The following MRPS27 variants were observed in gnomAD, a reference collection of about 807,000 sequenced individuals.
MRPS27 encodes the protein mitochondrial ribosomal protein S27, also known as small ribosomal subunit protein mS27.
Under a neutral mutation model 48.9 loss-of-function variants are expected in MRPS27, and 43 were observed. The observed-to-expected ratio is 0.88, with a 90% CI of 0.69 to 1.13. MRPS27 has a LOEUF of 1.13. Ranked by LOEUF, MRPS27 falls within the 50% of genes most tolerant of loss-of-function variation. The pLI, the probability that MRPS27 is intolerant of heterozygous loss-of-function variation, is 0.00. For synonymous variants in MRPS27, 188 were observed against 171.9 expected, an observed-to-expected ratio of 1.09 and a Z score of -0.73; for missense variants, 467 against 476.3, an observed-to-expected ratio of 0.98 and a Z score of 0.18.
At chr5:72,314,378 C>G in intron 1 of MRPS27, 1 of 376,422 alleles carries the variant, frequency 2.7e-6, no homozygotes, top group Admixed American at 3.8e-5. Context: ...AGGATTTTCA[C>G]AATAATTTTT....
rs1473107744 is a variant in MRPS27, at chr5:72,232,493, G to A, written c.541C>T (p.Leu181Phe). ...EAFEVPSTQL[L>F]SLYVLFHCLA... ...CAATGAAATAAAACATAGAGGGAGA[G>A]AAGTTGGGTGGAAGGCACTTCAAAG... The change falls in exon 7 of 11, where the codon CTC becomes TTC. Residue 181 changes from leucine to phenylalanine, a missense_variant. Leu to Phe is a conservative substitution (Grantham distance 22, BLOSUM62 0). Coordinates refer to ENST00000261413, the MANE Select transcript of MRPS27 (RefSeq NM_015084.3). 8.7e-6 allele frequency: 14 copies of A among 1,612,484 alleles called. No individual in the cohort carries two copies. The highest frequency in any genetic ancestry group is 1.1e-5 in the Non-Finnish European group (13 of 1,179,012).
At chr5:72,294,689 T>C (rs1365477178) in intron 4 of MRPS27, 1 of 152,070 alleles carries the variant, frequency 6.6e-6, no homozygotes, top group Non-Finnish European at 1.5e-5. Flanking sequence ...TGTTAGCAGC[T>C]GTGAGAAAGA....
chr5:72,318,393 CCTTCATTCTAGCATATG>C (rs1402120202), intron 1 of MRPS27, among the ~76,000 whole-genome samples: 25 of 152,242 alleles, frequency 1.6e-4, no homozygotes, highest in Non-Finnish European at 3.1e-4. Flanking sequence ...ATTCTCTATG[CCTTCATTCTAGCATATG>C]CTTCATTCTA....
chr5:72,319,243 A>AC (rs1750667531), intron 1 of MRPS27, among the ~76,000 whole-genome samples: 1 of 152,260 alleles, frequency 6.6e-6, no homozygotes, highest in African/African-American at 2.4e-5. Context: ...TATCAGATCC[A>AC]CTATGCAGGC....
intron 3 of MRPS27, among the ~76,000 whole-genome samples, chr5:72,296,182 AG>A: frequency 6.6e-6 from 1 of 152,326 alleles, no homozygotes; most frequent in East Asian, 1.9e-4. Flanking sequence ...ACAAATAAAA[AG>A]GATTATTCCA....
intron 4 of MRPS27, among the ~76,000 whole-genome samples, chr5:72,286,303 T>C: frequency 6.6e-6 from 1 of 152,072 alleles, no homozygotes; most frequent in East Asian, 1.9e-4. Flanking sequence ...AAAAAGAACA[T>C]GCAAAAGTTG....
chr5:72,289,860 T>C (rs140627016), intron 4 of MRPS27, among the ~76,000 whole-genome samples: 4 of 152,318 alleles, frequency 2.6e-5, no homozygotes, highest in African/African-American at 7.2e-5. Flanking sequence ...AGGAGCAAGT[T>C]TAATTTCATA....
At chr5:72,271,547 G>T (rs1648401043) in intron 4 of MRPS27, among the ~76,000 whole-genome samples, 1 of 152,180 alleles carries the variant, frequency 6.6e-6, no homozygotes, top group Non-Finnish European at 1.5e-5. Flanking sequence ...TAGATTAAAA[G>T]AGACTAATGA....
intron 4 of MRPS27, among the ~76,000 whole-genome samples, chr5:72,286,811 C>T (rs1338741598): frequency 6.6e-6 from 1 of 152,172 alleles, no homozygotes; most frequent in African/African-American, 2.4e-5. Context: ...TATGGCTTTT[C>T]ACCTCAACAA....
intron 4 of MRPS27, among the ~76,000 whole-genome samples, chr5:72,286,433 T>C (rs1011293227): frequency 6.6e-6 from 1 of 152,060 alleles, no homozygotes; most frequent in Non-Finnish European, 1.5e-5. Flanking sequence ...AGTCCAGAAA[T>C]AGACTCACAC....
chr5:72,261,179 T>G (rs1748961423), intron 4 of MRPS27, among the ~76,000 whole-genome samples: 1 of 152,136 alleles, frequency 6.6e-6, no homozygotes, highest in African/African-American at 2.4e-5. Flanking sequence ...TACATTTAAA[T>G]GGAACCTTTT....
At chr5:72,246,726 C>A (rs143341124) in intron 4 of MRPS27, among the ~76,000 whole-genome samples, 1 of 151,918 alleles carries the variant, frequency 6.6e-6, no homozygotes, top group Non-Finnish European at 1.5e-5. Flanking sequence ...TTCTAGGTGA[C>A]GTAAAATTAT....
chr5:72,319,781 C>A (rs548905018), intron 1 of MRPS27, among the ~76,000 whole-genome samples: 102 of 152,182 alleles, frequency 6.7e-4, no homozygotes, highest in African/African-American at 2.4e-3. Context: ...TCCTGGCGAT[C>A]CGCCCGCCTC....
Position 72,234,205 on chromosome 5 carries a change from G to A in MRPS27, c.397-8C>T. On this transcript the variant is annotated splice_polypyrimidine_tract_variant and splice_region_variant and intron_variant, in intron 5 of 10. Coordinates refer to ENST00000261413, the MANE Select transcript of MRPS27 (RefSeq NM_015084.3). ...AAAAATTCCATATTGAACCTATAAT[G>A]AAAATGAACATAACAGGAAAAAAAG... 1 of 1,477,424 alleles carries A rather than the reference G, an allele frequency of 6.8e-7. No homozygotes were observed. Among genetic ancestry groups the A allele is most frequent in the Non-Finnish European group, 9.0e-7 (1 of 1,112,962 alleles). 91.5% of individuals were successfully genotyped at this position (1,477,424 alleles called of 1,614,324 possible). A position where few individuals can be genotyped will look rare whatever the true frequency, so the allele number is the denominator to read the frequency against.
chr5:72,283,933 C>G (rs1388164096), intron 4 of MRPS27, among the ~76,000 whole-genome samples: 1 of 152,118 alleles, frequency 6.6e-6, no homozygotes, highest in Non-Finnish European at 1.5e-5. Context: ...GTACATTTCT[C>G]TCTTTATTTC....
At chr5:72,248,207 C>T (rs1748557286) in intron 4 of MRPS27, among the ~76,000 whole-genome samples, 1 of 152,058 alleles carries the variant, frequency 6.6e-6, no homozygotes, top group Non-Finnish European at 1.5e-5. Context: ...ATTATACAAA[C>T]AAAATATGCT....
chr5:72,299,987 C>A (rs1750086450), intron 2 of MRPS27, among the ~76,000 whole-genome samples: 1 of 151,948 alleles, frequency 6.6e-6, no homozygotes, highest in Non-Finnish European at 1.5e-5. Flanking sequence ...AACAAAAAAG[C>A]CCTCCCTTGC....
rs990093281 is a variant in MRPS27 at position 72,242,996 on chromosome 5, C to T, written c.282-4868G>A. Among the ~76,000 whole-genome samples, 51 of 152,138 alleles carry T rather than the reference C, an allele frequency of 3.4e-4. 1 individual carries two copies. The highest frequency in any genetic ancestry group is 1.2e-3 in the African/African-American group (48 of 41,430). On this transcript the variant is annotated intron_variant, in intron 4 of 10. Coordinates refer to ENST00000261413, the MANE Select transcript of MRPS27 (RefSeq NM_015084.3). ...GCTTTCCACAATGTTTATCCGATTC[C>T]GAGAGCCACCAGCCCTAAACACACA... is the stretch of plus-strand genomic sequence containing the variant.
At position 72,220,996 on chromosome 5, in the gene MRPS27, A is replaced by T. The variant is rs1329557647; in HGVS notation, c.1158T>A (p.Leu386=). Residue 386 remains leucine, a synonymous_variant, in exon 11 of 11, where the codon CTT becomes CTA. Transcript: ENST00000261413. ...GCTGTTCTCTCTGGATCAACTGTAC[A>T]AGGTCTAGATGCCACTGCTGCAGAT... ...EQNLQQWHLD[L]VQLIQREQQQ... 12 of 1,613,966 alleles carry T rather than the reference A, an allele frequency of 7.4e-6. No homozygotes were observed. The highest frequency in any genetic ancestry group is 1.0e-5 in the Non-Finnish European group (12 of 1,180,010).
Sources: gnomAD v4.1 joint callset for allele counts (sites outside exome capture counted in the v4.1 genomes callset) on GRCh38, gnomAD v4.1.1 for gene constraint, MANE v1.5 for transcripts, NCBI Gene and HGNC (gene_info 2026-07-23, HGNC 2026-07-21) for gene names.